Variants in LMOD3 observed in about 807,000 individuals in gnomAD.
LMOD3 encodes the protein leiomodin-3.
LMOD3 carries 31 observed loss-of-function variants against 41.8 expected under a neutral mutation model. The observed-to-expected ratio is 0.74, with a 90% CI of 0.56 to 1.00. The LOEUF (loss-of-function observed/expected upper bound fraction) is 1.00. Ranked by LOEUF, LMOD3 falls within the 50% of genes least tolerant of loss-of-function variation. The pLI, the probability that LMOD3 is intolerant of heterozygous loss-of-function variation, is 0.00. For missense variants in LMOD3, 755 were observed against 679.5 expected, an observed-to-expected ratio of 1.11 and a Z score of -1.23; for synonymous variants, 292 against 241.9, an observed-to-expected ratio of 1.21 and a Z score of -1.92.
intron 1 of LMOD3, among the ~76,000 whole-genome samples, chr3:69,121,434 AAC>A (rs201470367): frequency 2.0e-4 from 27 of 138,106 alleles, no homozygotes; most frequent in African/African-American, 8.9e-4. Context: ...TTTCAAGTGG[AAC>A]ATAAAAAAAA....
intron 2 of LMOD3, among the ~76,000 whole-genome samples, chr3:69,112,385 T>C (rs2092354013): frequency 1.3e-5 from 2 of 152,234 alleles, no homozygotes; most frequent in Admixed American, 1.3e-4. Context: ...GAGCAAGACC[T>C]GCTTTGAAGA....
intron 2 of LMOD3, among the ~76,000 whole-genome samples, chr3:69,113,626 T>G (rs1450008881): frequency 6.6e-6 from 1 of 152,238 alleles, no homozygotes; most frequent in Non-Finnish European, 1.5e-5. Context: ...TTTAGCCAAC[T>G]GGATGGGAGC....
chr3:69,117,833 G>GTTTTGTTTTGTTTTTT (rs1553687592), intron 2 of LMOD3, among the ~76,000 whole-genome samples: 38 of 132,140 alleles, frequency 2.9e-4, no homozygotes, highest in African/African-American at 9.8e-4. Flanking sequence ...AATTTGGGTG[G>GTTTTGTTTTGTTTTTT]TTTTTTTTTT....
At chr3:69,113,801 A>G (rs1199290018) in intron 2 of LMOD3, among the ~76,000 whole-genome samples, 1 of 152,200 alleles carries the variant, frequency 6.6e-6, no homozygotes, top group Non-Finnish European at 1.5e-5. Context: ...AAGTACAAAC[A>G]CTCATTTGAG....
At position 69,106,436 on chromosome 3, in the gene LMOD3, T is replaced by C. The variant is rs2092322903; in HGVS notation, c.*2659A>G. On this transcript the variant is annotated 3_prime_UTR_variant, in exon 3 of 3. Coordinates refer to ENST00000420581, the MANE Select transcript of LMOD3 (RefSeq NM_198271.5). ...ATAACAGAAAAATGTAACATATAAATGTTGTAAATTATGATTACATTTAAA... is the reference window on the plus strand; with the variant it reads ...ATAACAGAAAAATGTAACATATAAACGTTGTAAATTATGATTACATTTAAA... Among the ~76,000 whole-genome samples, 2 of 152,188 alleles carry C rather than the reference T, an allele frequency of 1.3e-5. No homozygotes were observed. The highest frequency in any genetic ancestry group is 4.1e-4 in the South Asian group (2 of 4,834).
At chr3:69,114,902 G>C (rs1237716045) in intron 2 of LMOD3, among the ~76,000 whole-genome samples, 2 of 152,134 alleles carry the variant, frequency 1.3e-5, no homozygotes, top group East Asian at 3.9e-4. Context: ...GTCTCACTCT[G>C]TTGCCCAGGC....
intron 2 of LMOD3, among the ~76,000 whole-genome samples, chr3:69,112,234 G>T (rs1247614432): frequency 6.6e-6 from 1 of 152,206 alleles, no homozygotes; most frequent in Non-Finnish European, 1.5e-5. Context: ...GCATCACACA[G>T]TGCACACATA....
intron 2 of LMOD3, among the ~76,000 whole-genome samples, chr3:69,114,026 A>T (rs1163125977): frequency 6.6e-6 from 1 of 152,238 alleles, no homozygotes; most frequent in Non-Finnish European, 1.5e-5. Context: ...CAACAAGAGC[A>T]TAATAAAAAA....
chr3:69,120,979 T>C (rs900388117), intron 1 of LMOD3, among the ~76,000 whole-genome samples: 2 of 152,086 alleles, frequency 1.3e-5, no homozygotes, highest in Non-Finnish European at 2.9e-5. Flanking sequence ...TGAGCAAAAA[T>C]TTCATGCTCA....
intron 2 of LMOD3, among the ~76,000 whole-genome samples, chr3:69,117,126 G>T (rs1457515410): frequency 1.3e-5 from 2 of 152,224 alleles, no homozygotes; most frequent in African/African-American, 4.8e-5. Flanking sequence ...AAGTCTTGAT[G>T]TTGTGCCCAA....
intron 2 of LMOD3, among the ~76,000 whole-genome samples, chr3:69,111,481 T>C (rs2092350017): frequency 6.6e-6 from 1 of 152,248 alleles, no homozygotes; most frequent in Non-Finnish European, 1.5e-5. Context: ...GTTCTTTGTA[T>C]TATGGAATGG....
At chr3:69,122,042 A>C (rs2107528022) in intron 1 of LMOD3, 51 bp downstream of exon 1, 3 of 1,473,532 alleles carry the variant, frequency 2.0e-6, no homozygotes, top group Non-Finnish European at 2.8e-6. Context: ...GAGAGACCTA[A>C]CAGCCCATCC....
At chr3:69,112,366 G>A (rs2092353941) in intron 2 of LMOD3, among the ~76,000 whole-genome samples, 2 of 152,224 alleles carry the variant, frequency 1.3e-5, no homozygotes, top group East Asian at 3.9e-4. Flanking sequence ...GGATGTCCAG[G>A]ACAGAGATGA....
At chr3:69,110,526 A>C (rs1193290567) in intron 2 of LMOD3, among the ~76,000 whole-genome samples, 3 of 148,016 alleles carry the variant, frequency 2.0e-5, no homozygotes, top group Admixed American at 6.7e-5. Context: ...CACCGCACCC[A>C]GCCACCTGAT....
chr3:69,118,288 G>C (rs2092386345), intron 2 of LMOD3, among the ~76,000 whole-genome samples: 1 of 152,140 alleles, frequency 6.6e-6, no homozygotes, highest in African/African-American at 2.4e-5. Flanking sequence ...GGGTTTCAAT[G>C]TCAGCTCTAC....
chr3:69,113,325 T>C (rs1391236916), intron 2 of LMOD3, among the ~76,000 whole-genome samples: 1 of 152,122 alleles, frequency 6.6e-6, no homozygotes, highest in Non-Finnish European at 1.5e-5. Flanking sequence ...ATTTGGGAAT[T>C]GTTCTAGATT....
chr3:69,116,744 CCTT>C (rs2092375492), intron 2 of LMOD3, among the ~76,000 whole-genome samples: 1 of 152,136 alleles, frequency 6.6e-6, no homozygotes, highest in African/African-American at 2.4e-5. Flanking sequence ...TATCCCCAAT[CCTT>C]CTCATCTGCC....
rs746542524 is a variant in LMOD3 at position 69,119,839 on chromosome 3, T to A, written c.516A>T (p.Glu172Asp). 1 of 1,569,290 alleles carries A rather than the reference T, an allele frequency of 6.4e-7. No homozygotes were observed. Among genetic ancestry groups the A allele is most frequent in the South Asian group, 1.2e-5 (1 of 86,390 alleles). ...TTTGTTCCTTTGCTTTGCCTTCCTCTTCTCTGTTCGTTTCTTCACTCTCTT... is the reference window on the plus strand; with the variant it reads ...TTTGTTCCTTTGCTTTGCCTTCCTCATCTCTGTTCGTTTCTTCACTCTCTT... ...DGEESEETNREEEGKAKEQIR... is the reference protein window; with the variant it reads ...DGEESEETNRDEEGKAKEQIR... The change falls in exon 2 of 3, where the codon GAA becomes GAT. Residue 172 changes from glutamate (E) to aspartate (D), a missense_variant. By Grantham distance (45) the Glu-to-Asp change is conservative. Transcript: ENST00000420581.
chr3:69,122,217 T>C lies in LMOD3; in HGVS notation c.170A>G (p.Gln57Arg). ...GTTTCCTGTCGGTGGCTTGTCAGTTTGATCTTTCTGAATCATTCCCACGGG... is the reference window on the plus strand; with the variant it reads ...GTTTCCTGTCGGTGGCTTGTCAGTTCGATCTTTCTGAATCATTCCCACGGG... ...SLPVGMIQKDQTDKPPTGNFN... is the reference protein window; with the variant it reads ...SLPVGMIQKDRTDKPPTGNFN... The change falls in exon 1 of 3, where the codon CAA becomes CGA. Residue 57 changes from glutamine to arginine, a missense_variant. Gln to Arg is a conservative substitution (Grantham distance 43, BLOSUM62 1). Transcript: ENST00000420581. The C allele has an allele frequency of 6.2e-7, 1 of 1,613,602 alleles. No homozygotes were observed. The highest frequency in any genetic ancestry group is 2.2e-5 in the East Asian group (1 of 44,822).
Sources: allele counts gnomAD v4.1 joint callset (sites outside exome capture counted in the v4.1 genomes callset), GRCh38; gene constraint gnomAD v4.1.1; transcripts MANE v1.5; gene names NCBI Gene and HGNC (gene_info 2026-07-23, HGNC 2026-07-21).